The following CERKL variants were observed in gnomAD, a reference collection of about 807,000 sequenced individuals.
The protein encoded by CERKL is CERK like autophagy regulator.
CERKL carries 61 observed loss-of-function variants against 63.4 expected under a neutral mutation model. That is an observed-to-expected ratio of 0.96 (90% CI 0.78 to 1.19). The LOEUF is 1.19. Ranked by LOEUF, CERKL falls within the 50% of genes most tolerant of loss-of-function variation. The pLI is 0.00. For missense variants in CERKL, 675 were observed against 655.5 expected, an observed-to-expected ratio of 1.03 and a Z score of -0.33; for synonymous variants, 250 against 230.5, an observed-to-expected ratio of 1.08 and a Z score of -0.77.
chr2:181,645,739 C>T (rs1459777756), intron 1 of CERKL, among the ~76,000 whole-genome samples: 1 of 152,208 alleles, frequency 6.6e-6, no homozygotes, highest in Non-Finnish European at 1.5e-5. Flanking sequence ...GATTACTAGT[C>T]CCAAGAGTAC....
intron 3 of CERKL, among the ~76,000 whole-genome samples, chr2:181,568,554 T>G (rs1468222730): frequency 6.6e-6 from 1 of 152,154 alleles, no homozygotes; most frequent in Non-Finnish European, 1.5e-5. Context: ...ATATCTTTCA[T>G]GTGTAGACAA....
intron 1 of CERKL, among the ~76,000 whole-genome samples, chr2:181,606,470 T>G (rs1260931592): frequency 0.073 from 33 of 452 alleles, no homozygotes; most frequent in Non-Finnish European, 0.098. Flanking sequence ...GAGGGGAGGG[T>G]AGGGGAGAGG....
intron 1 of CERKL, among the ~76,000 whole-genome samples, chr2:181,612,952 A>G (rs1421602015): frequency 6.6e-6 from 1 of 152,226 alleles, no homozygotes; most frequent in East Asian, 1.9e-4. Flanking sequence ...ATGTGAAATG[A>G]TTAAAATCAA....
intron 1 of CERKL, among the ~76,000 whole-genome samples, chr2:181,638,387 G>C (rs1018848006): frequency 2.3e-4 from 35 of 152,274 alleles, no homozygotes; most frequent in African/African-American, 8.4e-4. Context: ...AGAAAGCAGG[G>C]AAGCTATCAG....
At chr2:181,656,566 G>A (rs907370486) in intron 1 of CERKL, among the ~76,000 whole-genome samples, 1 of 151,806 alleles carries the variant, frequency 6.6e-6, no homozygotes, top group African/African-American at 2.4e-5. Flanking sequence ...GTTCTGGGAT[G>A]GGGCGAGAGG....
rs189361625 is a variant in CERKL, at chr2:181,598,492, C to A, written c.481+5345G>T. On this transcript the variant is annotated intron_variant, in intron 2 of 12. Coordinates refer to ENST00000410087, the MANE Select transcript of CERKL (RefSeq NM_201548.5). ...CAGCGACCCCAAAGGCCTCGGCACA[C>A]ACCAACAGAATCTCTTCCTGTCACT... is the stretch of plus-strand genomic sequence containing the variant. 5.8e-4 allele frequency among the ~76,000 whole-genome samples: 89 copies of A among 152,228 alleles called. No homozygotes were observed. The Middle Eastern group carries it at 0.01, about 17-fold the overall frequency.
chr2:181,580,907 A>G (rs1684475178), intron 2 of CERKL, among the ~76,000 whole-genome samples: 1 of 152,146 alleles, frequency 6.6e-6, no homozygotes, highest in Admixed American at 6.5e-5. Context: ...AGAAGTACCA[A>G]AAAATGCCCG....
At chr2:181,608,168 C>T (rs1229833739) in intron 1 of CERKL, among the ~76,000 whole-genome samples, 2 of 151,212 alleles carry the variant, frequency 1.3e-5, no homozygotes, top group South Asian at 4.2e-4. Flanking sequence ...TCACACCCAG[C>T]TCACTTTTTT....
At chr2:181,565,415 G>A (rs1267542212) in intron 4 of CERKL, 1 of 1,592,962 alleles carries the variant, frequency 6.3e-7, no homozygotes, top group South Asian at 1.1e-5. Context: ...AAATGGCAAT[G>A]AAATTTATAT....
intron 1 of CERKL, among the ~76,000 whole-genome samples, chr2:181,606,229 G>GAAGT (rs1382802328): frequency 1.1e-4 from 13 of 116,722 alleles, no homozygotes; most frequent in Non-Finnish European, 1.6e-4. Flanking sequence ...GGAAAGGAAG[G>GAAGT]AAGGGAGGAT....
chr2:181,635,501 T>C (rs1235141238), intron 1 of CERKL, among the ~76,000 whole-genome samples: 1 of 152,160 alleles, frequency 6.6e-6, no homozygotes, highest in African/African-American at 2.4e-5. Flanking sequence ...TCAACTGTAA[T>C]AAGTTTTTAT....
At chr2:181,642,413 T>C (rs1237210881) in intron 1 of CERKL, among the ~76,000 whole-genome samples, 2 of 124,260 alleles carry the variant, frequency 1.6e-5, no homozygotes, top group Non-Finnish European at 3.8e-5. Context: ...TCACCAACTC[T>C]TGTTTTGAAA....
At chr2:181,606,636 G>C (rs1271441805) in intron 1 of CERKL, among the ~76,000 whole-genome samples, 3 of 151,538 alleles carry the variant, frequency 2.0e-5, no homozygotes, top group African/African-American at 7.3e-5. Context: ...CATGGGATAG[G>C]GTAACACTAA....
intron 2 of CERKL, among the ~76,000 whole-genome samples, chr2:181,581,749 T>C (rs938382386): frequency 1.3e-5 from 2 of 152,182 alleles, no homozygotes; most frequent in South Asian, 2.1e-4. Context: ...CTCTGGGACA[T>C]GGTGCCATAT....
intron 12 of CERKL, among the ~76,000 whole-genome samples, chr2:181,538,698 ATGAGTGAGAGGAAAC>A (rs1687332954): frequency 6.6e-6 from 1 of 152,172 alleles, no homozygotes; most frequent in African/African-American, 2.4e-5. Context: ...TACAGTAATT[ATGAGTGAGAGGAAAC>A]TAAGATGGAA....
chr2:181,602,451 C>CT (rs1244531467), intron 2 of CERKL, among the ~76,000 whole-genome samples: 1 of 152,156 alleles, frequency 6.6e-6, no homozygotes, highest in African/African-American at 2.4e-5. Flanking sequence ...TATTAAAGTG[C>CT]TTTTATTTAA....
chr2:181,656,493 G>T (rs1343404207), intron 1 of CERKL, among the ~76,000 whole-genome samples: 1 of 152,016 alleles, frequency 6.6e-6, no homozygotes, highest in East Asian at 1.9e-4. Flanking sequence ...AGCTGCTTGT[G>T]ACGTTTGCCC....
At chr2:181,624,946 C>T (rs1686619637) in intron 1 of CERKL, among the ~76,000 whole-genome samples, 1 of 152,112 alleles carries the variant, frequency 6.6e-6, no homozygotes, top group South Asian at 2.1e-4. Flanking sequence ...AACTGGAATT[C>T]AGAGGAGAGG....
At chr2:181,587,535 A>T (rs1175294279) in intron 2 of CERKL, among the ~76,000 whole-genome samples, 1 of 152,148 alleles carries the variant, frequency 6.6e-6, no homozygotes, top group East Asian at 1.9e-4. Context: ...GACCTATTTA[A>T]CTATATCACT....
Sources: gnomAD v4.1 joint callset for allele counts (sites outside exome capture counted in the v4.1 genomes callset) on GRCh38, gnomAD v4.1.1 for gene constraint, MANE v1.5 for transcripts, NCBI Gene and HGNC (gene_info 2026-07-23, HGNC 2026-07-21) for gene names.